INSIG1: variants seen among roughly 807,000 people sequenced by gnomAD.
INSIG1 encodes the protein insulin induced gene 1.
In INSIG1, 14 loss-of-function variants were observed where a neutral mutation model predicts 26.5. The ratio of observed to expected loss-of-function variants is 0.53; its 90% CI spans 0.35 to 0.83. The LOEUF is 0.83. Ranked by LOEUF, INSIG1 falls within the 40% of genes least tolerant of loss-of-function variation. INSIG1 has a pLI of 0.01. For synonymous variants in INSIG1, 147 were observed against 153.3 expected, an observed-to-expected ratio of 0.96 and a Z score of 0.30; for missense variants, 272 against 368.9, an observed-to-expected ratio of 0.74 and a Z score of 2.15.
chr7:155,300,930 G>A (rs1210693007), intron 2 of INSIG1, among the ~76,000 whole-genome samples: 1 of 152,206 alleles, frequency 6.6e-6, no homozygotes, highest in Non-Finnish European at 1.5e-5. Flanking sequence ...GCCTGTGTGG[G>A]GCTGTCTCGC....
At chr7:155,300,700 C>T (rs765107098) in intron 2 of INSIG1, among the ~76,000 whole-genome samples, 15 of 152,154 alleles carry the variant, frequency 9.9e-5, no homozygotes, top group Non-Finnish European at 1.8e-4. Context: ...ATTCCAAGTT[C>T]GTGTCTATAA....
At chr7:155,304,058 G>A (rs1797868969) in intron 5 of INSIG1, among the ~76,000 whole-genome samples, 1 of 148,826 alleles carries the variant, frequency 6.7e-6, no homozygotes, top group Non-Finnish European at 1.5e-5. Context: ...TGAGCTCCCG[G>A]ACTCAAGCAA....
At chr7:155,303,286 G>A (rs959913027) in intron 5 of INSIG1, among the ~76,000 whole-genome samples, 4 of 152,198 alleles carry the variant, frequency 2.6e-5, no homozygotes, top group Admixed American at 6.5e-5. Context: ...AGATGATGCT[G>A]GCCTCTTAGT....
chr7:155,305,581 C>A (rs1585207100), intron 5 of INSIG1, among the ~76,000 whole-genome samples: 1 of 152,314 alleles, frequency 6.6e-6, no homozygotes, highest in East Asian at 1.9e-4. Flanking sequence ...CCAAGTAAGG[C>A]TTTGTGAAGG....
rs371087646 is a variant in INSIG1 at position 155,298,521 on chromosome 7, C to G, written c.236C>G (p.Thr79Ser). The G allele has an allele frequency of 8.2e-6, 13 of 1,594,834 alleles. No individual in the cohort carries two copies. The African/African-American group carries it at 1.5e-4, about 18-fold the overall frequency. The change falls in exon 2 of 6, where the codon ACC becomes AGC. Residue 79 changes from threonine to serine, a missense_variant. This residue lies in a region of INSIG1 where 161 missense variants were observed against 179.2 expected (regional missense o/e 0.90). Coordinates refer to ENST00000340368, the MANE Select transcript of INSIG1 (RefSeq NM_005542.6). ...GPEPGSPYPNTWHHRLLQRSL... is the reference protein window; with the variant it reads ...GPEPGSPYPNSWHHRLLQRSL... ...GAGCCCGGCAGCCCCTACCCCAACA[C>G]CTGGCATCATCGCCTGTTGCAGAGG... is the stretch of plus-strand genomic sequence containing the variant.
At chr7:155,307,121 T>C (rs142412648) in intron 5 of INSIG1, among the ~76,000 whole-genome samples, 10 of 152,348 alleles carry the variant, frequency 6.6e-5, no homozygotes, top group African/African-American at 2.4e-4. Context: ...CTCACCGCAG[T>C]TTGTATAGAA....
intron 2 of INSIG1, among the ~76,000 whole-genome samples, chr7:155,300,938 C>T (rs1033474863): frequency 6.6e-6 from 1 of 152,226 alleles, no homozygotes. Flanking sequence ...GGGGCTGTCT[C>T]GCCCCGTACT....
intron 5 of INSIG1, among the ~76,000 whole-genome samples, chr7:155,303,438 G>A (rs1427949983): frequency 1.3e-5 from 2 of 152,172 alleles, no homozygotes; most frequent in African/African-American, 4.8e-5. Flanking sequence ...ATGGAGAAGT[G>A]GTGATGAGAG....
chr7:155,298,061 A>ACGC, intron 1 of INSIG1, 102 bp downstream of exon 1: 1 of 403,188 alleles, frequency 2.5e-6, no homozygotes, highest in African/African-American at 2.1e-5. Context: ...GGTCTTTGGG[A>ACGC]CGCGGGTCCC....
At chr7:155,301,985 A>G (rs1797802047) in intron 3 of INSIG1, among the ~76,000 whole-genome samples, 1 of 148,068 alleles carries the variant, frequency 6.8e-6, no homozygotes, top group Admixed American at 6.8e-5. Context: ...ATAAATATAT[A>G]TAAGCACTTT....
intron 5 of INSIG1, among the ~76,000 whole-genome samples, chr7:155,303,538 C>T (rs189166944): frequency 2.0e-5 from 3 of 152,326 alleles, no homozygotes; most frequent in Admixed American, 2.0e-4. Context: ...AGCAGTGCTA[C>T]CCCGCAGAGC....
In INSIG1 at chr7:155,301,586, C is replaced by G; in HGVS notation, c.433C>G (p.Pro145Ala). 6.2e-7 allele frequency: 1 copy of G among 1,609,380 alleles called. No individual in the cohort carries two copies. The highest frequency in any genetic ancestry group is 8.5e-7 in the Non-Finnish European group (1 of 1,176,660). ...AACAGCTGTTGTTGGCCTACTGTAC[C>G]CCTGTATCGACAGTCACCTCGGAGA... Reference protein sequence around the residue: ...TAAAVVGLLYPCIDSHLGEPH... With the variant: ...TAAAVVGLLYACIDSHLGEPH... Residue 145 changes from proline (P) to alanine (A), a missense_variant, in exon 3 of 6, where the codon CCC becomes GCC. Pro to Ala is a conservative substitution (Grantham distance 27). Transcript: ENST00000340368.
At chr7:155,305,701 T>A (rs1460215267) in intron 5 of INSIG1, among the ~76,000 whole-genome samples, 2 of 152,194 alleles carry the variant, frequency 1.3e-5, no homozygotes, top group Non-Finnish European at 2.9e-5. Context: ...AGGTCTGTGT[T>A]TGGTGCTGAT....
intron 5 of INSIG1, among the ~76,000 whole-genome samples, chr7:155,307,549 C>T (rs1311157529): frequency 6.6e-6 from 1 of 152,120 alleles, no homozygotes; most frequent in Non-Finnish European, 1.5e-5. Context: ...AAGAATTTAC[C>T]CTGAGGTGCC....
At chr7:155,298,771 G>A in intron 2 of INSIG1, 74 bp downstream of exon 2, 1 of 1,348,142 alleles carries the variant, frequency 7.4e-7, no homozygotes, top group Non-Finnish European at 1.0e-6. Flanking sequence ...CAGCCTATAA[G>A]AAACATGCAT....
intron 5 of INSIG1, 98 bp from the exon 6 acceptor site, chr7:155,308,143 A>C: frequency 3.0e-6 from 2 of 656,456 alleles, no homozygotes; most frequent in Non-Finnish European, 5.3e-6. Flanking sequence ...GAAAGTGTCA[A>C]TCTTTCCCAT....
chr7:155,298,263 C>T lies in INSIG1; in HGVS notation c.-23C>T. On this transcript the variant is annotated 5_prime_UTR_variant, in exon 2 of 6. Coordinates refer to ENST00000340368, the MANE Select transcript of INSIG1 (RefSeq NM_005542.6). ...TTGATGACCCCCTTCTTCCAGGAAG[C>T]GCCTCTTGGACGCGTGTGACCGATG... 1 of 1,461,412 alleles carries T rather than the reference C, an allele frequency of 6.8e-7. No homozygotes were observed. The allele number at this position is 1,461,412 out of a possible 1,614,324, so 90.5% of individuals were successfully genotyped here. A position where few individuals can be genotyped will look rare whatever the true frequency, so the allele number is the denominator to read the frequency against.
chr7:155,298,042 G>T, intron 1 of INSIG1, 83 bp downstream of exon 1: 1 of 374,358 alleles, frequency 2.7e-6, no homozygotes, highest in Non-Finnish European at 4.7e-6. Flanking sequence ...GCGGGCGCGG[G>T]CCCTGTTGGG....
At chr7:155,300,512 C>T (rs1484249662) in intron 2 of INSIG1, among the ~76,000 whole-genome samples, 5 of 152,114 alleles carry the variant, frequency 3.3e-5, no homozygotes, top group Middle Eastern at 3.2e-3. Context: ...TTCTTTCATA[C>T]TACACTGAGG....
Sources: gnomAD v4.1 joint callset for allele counts (sites outside exome capture counted in the v4.1 genomes callset) on GRCh38, gnomAD v4.1.1 for gene constraint, gnomAD v4.1.1 regional missense constraint, MANE v1.5 for transcripts, NCBI Gene and HGNC (gene_info 2026-07-23, HGNC 2026-07-21) for gene names.